Variants in RAB13 observed in about 807,000 individuals in gnomAD.
RAB13 encodes ras-related protein Rab-13.
Under a neutral mutation model 29.3 loss-of-function variants are expected in RAB13, and 15 were observed. The ratio of observed to expected loss-of-function variants is 0.51; its 90% CI spans 0.34 to 0.79. RAB13 has a LOEUF of 0.79. Ranked by LOEUF, RAB13 falls within the 30% of genes least tolerant of loss-of-function variation. RAB13 has a pLI of 0.01. For synonymous variants in RAB13, 82 were observed against 93.8 expected, an observed-to-expected ratio of 0.87 and a Z score of 0.73; for missense variants, 186 against 255.5, an observed-to-expected ratio of 0.73 and a Z score of 1.85.
intron 5 of RAB13, 59 bp from the exon 6 acceptor site, chr1:153,982,659 A>G: frequency 6.2e-7 from 1 of 1,610,790 alleles, no homozygotes; most frequent in Non-Finnish European, 8.5e-7. Context: ...GTCCTCTGCA[A>G]TGCAACCTAT....
chr1:153,990,608 A>C (rs1649329455), upstream of RAB13: 7 of 661,376 alleles, frequency 1.1e-5, no homozygotes, highest in South Asian at 1.2e-4. Flanking sequence ...CATATGTGTC[A>C]CAACTAACAG....
upstream of RAB13, among the ~76,000 whole-genome samples, chr1:153,989,111 T>A (rs1447469559): frequency 1.5e-5 from 2 of 136,692 alleles, 1 homozygote; most frequent in Non-Finnish European, 3.2e-5. Flanking sequence ...TTTTTTTTTT[T>A]AGTCGAGACG....
At chr1:153,988,493 G>A (rs1435368979), upstream of RAB13, among the ~76,000 whole-genome samples, 8 of 144,740 alleles carry the variant, frequency 5.5e-5, 1 homozygote, top group East Asian at 4.0e-4. Context: ...GGGTTTCACC[G>A]TGTTAGCCAG....
intron 2 of RAB13, 133 bp from the exon 3 acceptor site, chr1:153,983,714 C>T (rs765124803): frequency 6.0e-5 from 45 of 751,562 alleles, no homozygotes; most frequent in Middle Eastern, 6.4e-4. Context: ...TAAAGGGGAA[C>T]GGGATTAAAG....
upstream of RAB13, among the ~76,000 whole-genome samples, chr1:153,989,862 A>G (rs1649300641): frequency 6.6e-6 from 1 of 151,824 alleles, no homozygotes. Context: ...ATCACACTAC[A>G]GCCTGGGCAA....
Position 153,983,584 on chromosome 1 carries a change from AAAG to A in RAB13, c.186-6_186-4del. On this transcript the variant is annotated splice_polypyrimidine_tract_variant and splice_region_variant and intron_variant, in intron 2 of 7. Coordinates refer to ENST00000368575, the MANE Select transcript of RAB13 (RefSeq NM_002870.5). ...ACCGCTCTTGGCCAGCCGTGTCCCT[AAAG>A]AAGGAGAAGTTTTCATGGGATGGAA... 2 of 1,603,100 alleles carry A rather than the reference AAAG, an allele frequency of 1.2e-6. No individual in the cohort carries two copies. Among genetic ancestry groups the A allele is most frequent in the Non-Finnish European group, 1.7e-6 (2 of 1,170,054 alleles).
At chr1:153,982,240 T>C in intron 7 of RAB13, 64 bp from the exon 8 acceptor site, 1 of 1,546,210 alleles carries the variant, frequency 6.5e-7, no homozygotes, top group Non-Finnish European at 8.9e-7. Flanking sequence ...GGGTATAAAC[T>C]GTTTAAAGTA....
chr1:153,986,111 A>T lies in RAB13; in HGVS notation c.124+2T>A. The T allele has an allele frequency of 6.2e-7, 1 of 1,613,420 alleles. No homozygotes were observed. The highest frequency in any genetic ancestry group is 8.5e-7 in the Non-Finnish European group (1 of 1,179,908). On this transcript the variant is annotated splice_donor_variant, in intron 1 of 7. Transcript: ENST00000368575. LOFTEE classifies it high-confidence loss of function. Reference sequence around the variant, plus strand: ...GGTCTGGGACATGGCCAGCGGGCTCACCGATGGTGGAGATGTAAGTGTTGT... The same window carrying T: ...GGTCTGGGACATGGCCAGCGGGCTCTCCGATGGTGGAGATGTAAGTGTTGT...
upstream of RAB13, among the ~76,000 whole-genome samples, chr1:153,990,145 T>G (rs978706955): frequency 2.0e-4 from 30 of 150,796 alleles, no homozygotes; most frequent in African/African-American, 7.1e-4. Flanking sequence ...CGGCTCACTG[T>G]ACTTCCGCCT....
In RAB13 at chr1:153,981,875, T is replaced by C; in HGVS notation, c.*224A>G. On this transcript the variant is annotated 3_prime_UTR_variant, in exon 8 of 8. Transcript: ENST00000368575. The stretch of plus-strand genomic sequence containing the variant: ...CTTTCCTCCTCCCTCTCTTCCTACC[T>C]CCTTGCCTTCTTTCACTTCCTCAAT... 1 of 589,910 alleles carries C rather than the reference T, an allele frequency of 1.7e-6. No individual in the cohort carries two copies. The highest frequency in any genetic ancestry group is 3.0e-6 in the Non-Finnish European group (1 of 328,908). The allele number at this position is 589,910 out of a possible 1,614,324, so 36.5% of individuals were successfully genotyped here.
chr1:153,985,080 G>C, intron 1 of RAB13: 1 of 1,115,242 alleles, frequency 9.0e-7, no homozygotes, highest in Non-Finnish European at 1.1e-6. Flanking sequence ...TATACCAGCT[G>C]ACAACTCTCT....
chr1:153,987,774 C>CAAAAAAAA (rs60689643), upstream of RAB13, among the ~76,000 whole-genome samples: 1 of 54,312 alleles, frequency 1.8e-5, no homozygotes, highest in East Asian at 4.5e-4. Flanking sequence ...ACTGCTTCGA[C>CAAAAAAAA]AAAAAAAAAA....
rs1648986579 is a variant in RAB13, at chr1:153,982,022, A to G, written c.*77T>C. The G allele has an allele frequency of 7.8e-7, 1 of 1,290,084 alleles. No individual in the cohort carries two copies. The highest frequency in any genetic ancestry group is 1.7e-5 in the Admixed American group (1 of 59,010). The allele number at this position is 1,290,084 out of a possible 1,614,324, so 79.9% of individuals were successfully genotyped here. A position where few individuals can be genotyped will look rare whatever the true frequency, so the allele number is the denominator to read the frequency against. On this transcript the variant is annotated 3_prime_UTR_variant, in exon 8 of 8. Transcript: ENST00000368575. ...ATGTGACCCTCCAAGCCCCTCTGCT[A>G]TTTCTCCCCTGCTCACTCCCTCTGC...
upstream of RAB13, among the ~76,000 whole-genome samples, chr1:153,989,416 A>AT (rs1177719472): frequency 1.4e-5 from 2 of 147,638 alleles, no homozygotes; most frequent in East Asian, 2.1e-4. Context: ...CGCCCGGCTA[A>AT]TTTTTTGTAT....
chr1:153,984,177 C>CAAAAAA (rs751964337), intron 2 of RAB13, among the ~76,000 whole-genome samples: 1 of 74,500 alleles, frequency 1.3e-5, no homozygotes, highest in Non-Finnish European at 2.7e-5. Flanking sequence ...AACTCTGTCT[C>CAAAAAA]AAAAAAAAAA....
At chr1:153,986,346 T>C (rs1476367126), upstream of RAB13, 7 of 855,314 alleles carry the variant, frequency 8.2e-6, no homozygotes, top group African/African-American at 5.0e-5. Context: ...GAAGAAGTTT[T>C]CCTCCCTCTC....
intron 3 of RAB13, 85 bp from the exon 4 acceptor site, chr1:153,983,381 A>AT: frequency 1.4e-6 from 2 of 1,479,830 alleles, no homozygotes; most frequent in Non-Finnish European, 1.9e-6. Flanking sequence ...CCATGGGTCT[A>AT]AACACTAGGC....
At chr1:153,988,636 G>A (rs1367064503), upstream of RAB13, among the ~76,000 whole-genome samples, 4 of 148,480 alleles carry the variant, frequency 2.7e-5, 1 homozygote, top group Non-Finnish European at 6.0e-5. Flanking sequence ...ATTTTGAGGT[G>A]GAGTTTCGCT....
At position 153,986,285 on chromosome 1, in the gene RAB13, G is replaced by A. The variant is rs1168465262; in HGVS notation, c.-49C>T. ...GAGGGGTGGGGAGCGCCCGGCACTG[G>A]TAGGCGGGACTGGACGGTTGGCAAA... On this transcript the variant is annotated 5_prime_UTR_variant, in exon 1 of 8. Coordinates refer to ENST00000368575, the MANE Select transcript of RAB13 (RefSeq NM_002870.5). 6.6e-7 allele frequency: 1 copy of A among 1,523,216 alleles called. No homozygotes were observed. Among genetic ancestry groups the A allele is most frequent in the African/African-American group, 1.4e-5 (1 of 73,488 alleles). 94.4% of individuals were successfully genotyped at this position (1,523,216 alleles called of 1,614,324 possible).
Sources: allele counts gnomAD v4.1 joint callset (sites outside exome capture counted in the v4.1 genomes callset), GRCh38; gene constraint gnomAD v4.1.1; transcripts MANE v1.5; gene names NCBI Gene and HGNC (gene_info 2026-07-23, HGNC 2026-07-21).